Variants in RGPD3 observed in about 807,000 individuals in gnomAD.
The protein encoded by RGPD3 is RANBP2 like and GRIP domain containing 3, also known as ranBP2-like and GRIP domain-containing protein 3.
In RGPD3, 62 loss-of-function variants were observed where a neutral mutation model predicts 154.5. The observed-to-expected ratio is 0.40, with a 90% CI of 0.33 to 0.50. The LOEUF (loss-of-function observed/expected upper bound fraction) is 0.50, where lower values mean the gene tolerates loss of function less well. Among genes scored for constraint, RGPD3 ranks in the 20% least tolerant of loss-of-function variants. RGPD3 has a pLI of 0.59. For missense variants in RGPD3, 919 were observed against 1,716.8 expected (o/e 0.54, Z 8.21); for synonymous variants, 308 against 607.0 (o/e 0.51, Z 7.24).
intron 9 of RGPD3, among the ~76,000 whole-genome samples, chr2:106,438,508 A>G (rs1209721328): frequency 2.7e-5 from 4 of 148,308 alleles, no homozygotes; most frequent in African/African-American, 9.9e-5. Flanking sequence ...AAGGCTGGTC[A>G]CGGTGGCTCA....
chr2:106,413,170 C>T lies in RGPD3; in HGVS notation c.5180G>A (p.Ser1727Asn). The T allele has an allele frequency of 6.2e-7, 1 of 1,611,922 alleles. No individual in the cohort carries two copies. Among genetic ancestry groups the T allele is most frequent in the South Asian group, 1.1e-5 (1 of 90,958 alleles). Reference protein sequence around the residue: ...LLQFIFLKPGSERERLLPVIN... With the variant: ...LLQFIFLKPGNERERLLPVIN... ...AACAGGAAGAAGTCTCTCTCTTTCACTACCTGGCTTCAAGAAAATGAACTG... is the reference window on the plus strand; with the variant it reads ...AACAGGAAGAAGTCTCTCTCTTTCATTACCTGGCTTCAAGAAAATGAACTG... Residue 1727 changes from serine (S) to asparagine (N), a missense_variant, in exon 22 of 23, where the codon AGT becomes AAT. Physicochemically the swap from Ser to Asn is conservative, Grantham distance 46 (BLOSUM62 1). Coordinates refer to ENST00000409886, the MANE Select transcript of RGPD3 (RefSeq NM_001144013.2).
intron 20 of RGPD3, among the ~76,000 whole-genome samples, chr2:106,420,348 A>C (rs1324332736): frequency 1.3e-5 from 2 of 151,806 alleles, no homozygotes; most frequent in Non-Finnish European, 2.9e-5. Context: ...AAAAAATTAG[A>C]AACAGAAAAA....
At chr2:106,469,895 T>C (rs1678770102), upstream of RGPD3, among the ~76,000 whole-genome samples, 1 of 152,140 alleles carries the variant, frequency 6.6e-6, no homozygotes, top group Admixed American at 6.6e-5. Flanking sequence ...CAAAACCTCG[T>C]AACTCCTTTC....
At chr2:106,437,348 T>TA (rs1444689790) in intron 9 of RGPD3, among the ~76,000 whole-genome samples, 1 of 127,202 alleles carries the variant, frequency 7.9e-6, no homozygotes, top group Non-Finnish European at 1.6e-5. Flanking sequence ...CCGCCTCTAC[T>TA]AAAAATACAA....
intron 1 of RGPD3, among the ~76,000 whole-genome samples, chr2:106,466,963 G>C (rs74180273): frequency 3.8e-5 from 3 of 79,882 alleles, no homozygotes; most frequent in African/African-American, 8.6e-5. Flanking sequence ...CTGAGCCATC[G>C]AGGCCGCCGC....
chr2:106,421,934 G>A lies in RGPD3; in HGVS notation c.4924+1109C>T, dbSNP rs561558982. Among the ~76,000 whole-genome samples the A allele has an allele frequency of 6.0e-5, 9 of 151,220 alleles. No homozygotes were observed. The East Asian group carries it at 1.7e-3, about 29-fold the overall frequency. ...CATGCCACCAGTCAAAAGGTACTTT[G>A]CTTAAACTGGCATTCTTTGACATGC... On this transcript the variant is annotated intron_variant, in intron 20 of 22. Transcript: ENST00000409886.
chr2:106,424,642 A>AC lies in RGPD3; in HGVS notation c.3324dup (p.Cys1109ValfsTer3), dbSNP rs1209797917. ...GTAGTCGTTATCCAATGATTAGCAC[A>AC]CACTTTTAGTACTTGTTCTCTTTGC... On this transcript the variant is annotated frameshift_variant, in exon 20 of 23. Transcript: ENST00000409886. LOFTEE classifies it high-confidence loss of function. 1 of 1,611,820 alleles carries AC rather than the reference A, an allele frequency of 6.2e-7. No homozygotes were observed. Among genetic ancestry groups the AC allele is most frequent in the East Asian group, 2.2e-5 (1 of 44,876 alleles).
At chr2:106,460,835 T>G (rs1678383302) in intron 1 of RGPD3, among the ~76,000 whole-genome samples, 1 of 81,496 alleles carries the variant, frequency 1.2e-5, no homozygotes. Context: ...AATGATTCCA[T>G]CTCATAAAAA....
At chr2:106,441,724 G>A (rs1314147303) in intron 7 of RGPD3, among the ~76,000 whole-genome samples, 3 of 151,158 alleles carry the variant, frequency 2.0e-5, no homozygotes, top group Non-Finnish European at 2.9e-5. Flanking sequence ...AGAGCCAGGC[G>A]TGGTGGCACA....
intron 22 of RGPD3, among the ~76,000 whole-genome samples, chr2:106,411,039 C>T (rs1022770902): frequency 6.7e-6 from 1 of 150,292 alleles, no homozygotes; most frequent in African/African-American, 2.4e-5. Flanking sequence ...CTTATCAGGC[C>T]TCTAGACCAG....
intron 9 of RGPD3, among the ~76,000 whole-genome samples, chr2:106,438,458 A>C (rs1007694019): frequency 2.0e-5 from 3 of 149,494 alleles, no homozygotes; most frequent in African/African-American, 7.4e-5. Flanking sequence ...ACTACACTCC[A>C]GCCCAGGTGA....
chr2:106,468,175 CCG>C (rs1678701497), intron 1 of RGPD3, 40 bp downstream of exon 1: 1 of 1,569,026 alleles, frequency 6.4e-7, no homozygotes, highest in Non-Finnish European at 8.6e-7. Flanking sequence ...AGGCCGCCGC[CCG>C]GCCAGGTCGA....
Position 106,442,372 on chromosome 2 carries a change from G to T in RGPD3, c.979-992C>A, listed in dbSNP as rs1346420804. ...ATGACACCCTACTTTAAAAAGTACA[G>T]GTGAAATGACACTTGGAAATGCCAC... On this transcript the variant is annotated intron_variant, in intron 7 of 22. Coordinates refer to ENST00000409886, the MANE Select transcript of RGPD3 (RefSeq NM_001144013.2). 5.7e-5 allele frequency among the ~76,000 whole-genome samples: 6 copies of T among 104,566 alleles called. No individual in the cohort carries two copies. The Admixed American group carries it at 6.4e-4, about 11-fold the overall frequency. The allele number at this position is 104,566 out of a possible 152,430, so 68.6% of individuals were successfully genotyped here.
intron 20 of RGPD3, among the ~76,000 whole-genome samples, chr2:106,417,830 T>A (rs1307943941): frequency 7.3e-5 from 11 of 151,456 alleles, no homozygotes; most frequent in Middle Eastern, 3.4e-3. Flanking sequence ...AAAACATTTC[T>A]TAAAATTTAG....
intron 1 of RGPD3, among the ~76,000 whole-genome samples, chr2:106,466,961 T>G: frequency 8.9e-6 from 1 of 112,084 alleles, no homozygotes; most frequent in Non-Finnish European, 1.9e-5. Flanking sequence ...GCCTGAGCCA[T>G]CGAGGCCGCC....
chr2:106,424,223 T>C lies in RGPD3; in HGVS notation c.3744A>G (p.Glu1248=), dbSNP rs761596526. The C allele has an allele frequency of 5.0e-6, 8 of 1,611,872 alleles. No homozygotes were observed. Among genetic ancestry groups the C allele is most frequent in the Non-Finnish European group, 6.8e-6 (8 of 1,179,864 alleles). ...CTTCCCTTAAATCATAGTTATCCCATTCTAATGTGGGCCCAGTGTTTTCAG... is the reference window on the plus strand; with the variant it reads ...CTTCCCTTAAATCATAGTTATCCCACTCTAATGTGGGCCCAGTGTTTTCAG... The part of the protein sequence containing the change: ...PNAENTGPTL[E]WDNYDLREDA... Residue 1248 remains glutamate (E), a synonymous_variant, in exon 20 of 23, where the codon GAA becomes GAG. Coordinates refer to ENST00000409886, the MANE Select transcript of RGPD3 (RefSeq NM_001144013.2).
chr2:106,444,741 A>G (rs1040788366), intron 7 of RGPD3, among the ~76,000 whole-genome samples: 2 of 150,912 alleles, frequency 1.3e-5, no homozygotes, highest in Non-Finnish European at 3.0e-5. Context: ...GCAGGAGAGG[A>G]TCACTTGAGC....
At chr2:106,467,619 G>C (rs373989576) in intron 1 of RGPD3, among the ~76,000 whole-genome samples, 1 of 25,862 alleles carries the variant, frequency 3.9e-5, no homozygotes, top group African/African-American at 1.4e-4. Context: ...CCGCCGGGCC[G>C]GGTCGAGGCA....
intron 20 of RGPD3, among the ~76,000 whole-genome samples, chr2:106,418,518 C>G (rs949946021): frequency 2.6e-5 from 4 of 152,106 alleles, no homozygotes; most frequent in Admixed American, 2.0e-4. Flanking sequence ...GGGCACGGAA[C>G]TAATCAATTA....
Sources: allele counts gnomAD v4.1 joint callset (sites outside exome capture counted in the v4.1 genomes callset), GRCh38; gene constraint gnomAD v4.1.1; transcripts MANE v1.5; gene names NCBI Gene and HGNC (gene_info 2026-07-23, HGNC 2026-07-21).